Variants in PPP1R42 observed in about 807,000 individuals in gnomAD.
The protein encoded by PPP1R42 is leucine rich repeat containing 67.
A neutral mutation model predicts 31.0 loss-of-function variants in PPP1R42; 34 were observed. That is an observed-to-expected ratio of 1.10 (90% confidence interval 0.83 to 1.46). The LOEUF (loss-of-function observed/expected upper bound fraction) is 1.46. Among genes scored for constraint, PPP1R42 ranks in the 40% most tolerant of loss-of-function variants. The pLI is 0.00. For synonymous variants in PPP1R42, 103 were observed against 109.8 expected, an observed-to-expected ratio of 0.94 and a Z score of 0.39; for missense variants, 268 against 303.0, an observed-to-expected ratio of 0.88 and a Z score of 0.86.
At chr8:66,969,740 G>C (rs565969528) in intron 7 of PPP1R42, among the ~76,000 whole-genome samples, 2 of 152,296 alleles carry the variant, frequency 1.3e-5, no homozygotes, top group South Asian at 4.1e-4. Flanking sequence ...ACCTTCAGCA[G>C]GCAGTTCTGG....
intron 7 of PPP1R42, among the ~76,000 whole-genome samples, chr8:66,980,930 C>T (rs1187417422): frequency 6.6e-6 from 1 of 152,068 alleles, no homozygotes; most frequent in East Asian, 1.9e-4. Context: ...GCAACCTCCA[C>T]CTCCCGGGTT....
At chr8:66,967,610 C>T (rs559937047) in intron 7 of PPP1R42, among the ~76,000 whole-genome samples, 2 of 149,188 alleles carry the variant, frequency 1.3e-5, no homozygotes, top group South Asian at 2.1e-4. Context: ...AACTGTTATT[C>T]GAGTTCACTT....
At chr8:67,009,841 G>A (rs1815792069) in intron 5 of PPP1R42, among the ~76,000 whole-genome samples, 1 of 152,164 alleles carries the variant, frequency 6.6e-6, no homozygotes, top group South Asian at 2.1e-4. Context: ...AAACAAGGTC[G>A]ACGTAACATT....
At chr8:66,969,600 C>T (rs1393445546) in intron 7 of PPP1R42, among the ~76,000 whole-genome samples, 1 of 152,178 alleles carries the variant, frequency 6.6e-6, no homozygotes, top group Non-Finnish European at 1.5e-5. Context: ...AGCCACTCTG[C>T]AGGGAATAGG....
At chr8:66,995,023 A>G (rs751560304) in intron 5 of PPP1R42, among the ~76,000 whole-genome samples, 5 of 152,146 alleles carry the variant, frequency 3.3e-5, no homozygotes, top group Non-Finnish European at 5.9e-5. Context: ...CTTTTTCCCC[A>G]TGGCACAAAG....
intron 2 of PPP1R42, among the ~76,000 whole-genome samples, chr8:67,015,287 G>T (rs1443814862): frequency 6.6e-6 from 1 of 152,158 alleles, no homozygotes; most frequent in Non-Finnish European, 1.5e-5. Flanking sequence ...AAAGTGCTGG[G>T]ATTACAGGTG....
At chr8:66,970,681 A>C (rs376970650) in intron 7 of PPP1R42, among the ~76,000 whole-genome samples, 1 of 152,196 alleles carries the variant, frequency 6.6e-6, no homozygotes, top group South Asian at 2.1e-4. Context: ...ATCCCTGATC[A>C]TTGAGACATC....
rs922325935 is a variant in PPP1R42 at position 67,014,538 on chromosome 8, T to C, written c.184A>G (p.Ile62Val). Residue 62 changes from isoleucine (I) to valine (V), a missense_variant, in exon 3 of 8, where the codon ATT becomes GTT. By Grantham distance (29) the Ile-to-Val change is conservative (BLOSUM62 3). Coordinates refer to ENST00000685739, the MANE Select transcript of PPP1R42 (RefSeq NM_001364910.1). ...TAATTCAGGTTAGTGATTTGACTAA[T>C]ACAATTATCATATAAATATAAAACA... ...LSVLYLYDNC[I>V]SQITNLNYAT... The C allele has an allele frequency of 6.4e-7, 1 of 1,555,060 alleles. No individual in the cohort carries two copies. The highest frequency in any genetic ancestry group is 8.8e-7 in the Non-Finnish European group (1 of 1,137,086).
intron 7 of PPP1R42, among the ~76,000 whole-genome samples, chr8:66,969,736 A>T (rs1402747760): frequency 6.6e-6 from 1 of 152,208 alleles, no homozygotes; most frequent in African/African-American, 2.4e-5. Flanking sequence ...CTTGACCTTC[A>T]GCAGGCAGTT....
intron 5 of PPP1R42, among the ~76,000 whole-genome samples, chr8:66,995,213 G>A (rs1399873659): frequency 6.6e-6 from 1 of 152,138 alleles, no homozygotes; most frequent in Non-Finnish European, 1.5e-5. Flanking sequence ...ACAGAAAAAC[G>A]AGTTAATATT....
chr8:67,023,412 A>G (rs1248102904), intron 1 of PPP1R42, among the ~76,000 whole-genome samples: 1 of 152,116 alleles, frequency 6.6e-6, no homozygotes, highest in Non-Finnish European at 1.5e-5. Context: ...GCCCAGCTCG[A>G]GTTTTTATTT....
chr8:66,976,118 C>T (rs1289180608), intron 7 of PPP1R42, among the ~76,000 whole-genome samples: 1 of 152,100 alleles, frequency 6.6e-6, no homozygotes, highest in African/African-American at 2.4e-5. Context: ...ATTGGATTCT[C>T]ATAGGAACAT....
rs557290086 is a variant in PPP1R42, at chr8:66,995,471, C to T, written c.553-6954G>A. On this transcript the variant is annotated intron_variant, in intron 5 of 7. Transcript: ENST00000685739. ...AGCAACTTTTGGTATATACCAACAGCTGGAACTCAGTGAATGGTTTGCATT... is the reference window on the plus strand; with the variant it reads ...AGCAACTTTTGGTATATACCAACAGTTGGAACTCAGTGAATGGTTTGCATT... Among the ~76,000 whole-genome samples the T allele has an allele frequency of 2.0e-5, 3 of 152,304 alleles. No homozygotes were observed. The East Asian group carries it at 5.8e-4, about 29-fold the overall frequency.
At chr8:66,985,802 T>A in intron 6 of PPP1R42, 1 of 1,230,172 alleles carries the variant, frequency 8.1e-7, no homozygotes, top group Non-Finnish European at 1.2e-6. Context: ...ATCATCTGTT[T>A]GATGTGGAGC....
At chr8:66,979,780 T>C (rs1231218537) in intron 7 of PPP1R42, among the ~76,000 whole-genome samples, 2 of 152,182 alleles carry the variant, frequency 1.3e-5, no homozygotes, top group Non-Finnish European at 2.9e-5. Context: ...GGGATTGCAT[T>C]GTATAGATTG....
rs1446846574 is a variant in PPP1R42, at chr8:67,020,408, C to T, written c.-84-2577G>A. Among the ~76,000 whole-genome samples the T allele has an allele frequency of 1.3e-5, 2 of 152,168 alleles. 1 individual carries two copies. Among genetic ancestry groups the T allele is most frequent in the Middle Eastern group, 6.8e-3 (2 of 294 alleles). ...TAGAGACGGGGTTTCACCATGTTGG[C>T]CAGGCTAGTCTCGAACTCCTGACCT... On this transcript the variant is annotated intron_variant, in intron 1 of 7. Coordinates refer to ENST00000685739, the MANE Select transcript of PPP1R42 (RefSeq NM_001364910.1).
chr8:67,016,359 G>A (rs955346018), intron 2 of PPP1R42, among the ~76,000 whole-genome samples: 1 of 152,204 alleles, frequency 6.6e-6, no homozygotes, highest in Non-Finnish European at 1.5e-5. Context: ...GTGTTTCCAA[G>A]AAAATTTAGC....
At chr8:67,021,401 T>C (rs909118107) in intron 1 of PPP1R42, 5 of 152,310 alleles carry the variant, frequency 3.3e-5, no homozygotes, top group African/African-American at 9.6e-5. Flanking sequence ...AAAAAAATTA[T>C]AAAATCTTCG....
chr8:66,964,683 T>G (rs1260168520), intron 7 of PPP1R42, among the ~76,000 whole-genome samples: 1 of 152,198 alleles, frequency 6.6e-6, no homozygotes, highest in Admixed American at 6.5e-5. Context: ...ATCAATTTAT[T>G]CCATATTGTT....
Sources: allele counts gnomAD v4.1 joint callset (sites outside exome capture counted in the v4.1 genomes callset), GRCh38; gene constraint gnomAD v4.1.1; transcripts MANE v1.5; gene names NCBI Gene and HGNC (gene_info 2026-07-23, HGNC 2026-07-21).